SLC29A1: variants seen among roughly 807,000 people sequenced by gnomAD.
SLC29A1 encodes solute carrier family 29 member 1 (Augustine blood group).
SLC29A1 carries 22 observed loss-of-function variants against 48.3 expected under a neutral mutation model. The ratio of observed to expected loss-of-function variants is 0.46; its 90% CI spans 0.33 to 0.65. The LOEUF is 0.65. SLC29A1 is among the 30% of genes least tolerant of loss of function. The probability of loss-of-function intolerance (pLI) is 0.03; values close to 1 mark genes in which losing one functional copy is unlikely to be tolerated. For missense variants in SLC29A1, 491 were observed against 575.3 expected, an observed-to-expected ratio of 0.85 and a Z score of 1.50; for synonymous variants, 228 against 231.0, an observed-to-expected ratio of 0.99 and a Z score of 0.12.
rs776128517 is a variant in SLC29A1, at chr6:44,230,613, C to G, written c.635C>G (p.Ala212Gly). The change falls in exon 7 of 13, where the codon GCC (alanine) becomes GGC (glycine). Residue 212 changes from alanine to glycine, a missense_variant. Coordinates refer to ENST00000371755, the MANE Select transcript of SLC29A1 (RefSeq NM_001372327.1). ...SESAFGYFIT[A>G]CAVIILTIIC... ...AGTGCCTTCGGCTACTTTATCACAGCCTGTGCTGTTATCATTTTGACCATC... is the reference window on the plus strand; with the variant it reads ...AGTGCCTTCGGCTACTTTATCACAGGCTGTGCTGTTATCATTTTGACCATC... 2.0e-5 allele frequency: 33 copies of G among 1,613,524 alleles called. No homozygotes were observed. The South Asian group carries it at 3.0e-4, about 14-fold the overall frequency.
chr6:44,227,057 AG>A (rs1777708754), intron 1 of SLC29A1: 4 of 1,361,786 alleles, frequency 2.9e-6, no homozygotes, highest in East Asian at 2.8e-5. Context: ...CTGAGCAGGC[AG>A]GGGGGCCGCG....
chr6:44,228,634 G>A (rs923681038), intron 2 of SLC29A1, among the ~76,000 whole-genome samples: 10 of 152,254 alleles, frequency 6.6e-5, no homozygotes, highest in Admixed American at 1.3e-4. Context: ...CCGGGCTGGG[G>A]TTACTCAGCT....
Position 44,223,695 on chromosome 6 carries a change from C to G in SLC29A1, c.-52+54C>G. ...TGGGGACTGCCGGGGCGGAAGACGC[C>G]GCTGCCCGCCTGCCACGGAGGGCAG... is the stretch of plus-strand genomic sequence containing the variant. On this transcript the variant is annotated intron_variant, in intron 1 of 12. Coordinates refer to ENST00000371755, the MANE Select transcript of SLC29A1 (RefSeq NM_001372327.1). This position sits in a 1 kb window ranked among gnomAD's most constrained non-coding sequence, Gnocchi z 5.0. 9.0e-7 allele frequency: 1 copy of G among 1,114,474 alleles called. No individual in the cohort carries two copies. The highest frequency in any genetic ancestry group is 1.1e-6 in the Non-Finnish European group (1 of 897,106). The allele number at this position is 1,114,474 out of a possible 1,614,324, so 69.0% of individuals were successfully genotyped here. A position where few individuals can be genotyped will look rare whatever the true frequency, so the allele number is the denominator to read the frequency against.
At chr6:44,222,685 G>T (rs1215223712), upstream of SLC29A1, among the ~76,000 whole-genome samples, 2 of 152,086 alleles carry the variant, frequency 1.3e-5, no homozygotes, top group Non-Finnish European at 2.9e-5. Flanking sequence ...CCCTTGGAGG[G>T]ACTTGCTGGA....
upstream of SLC29A1, among the ~76,000 whole-genome samples, chr6:44,222,056 G>C (rs1238468818): frequency 1.3e-5 from 2 of 152,204 alleles, no homozygotes; most frequent in African/African-American, 4.8e-5. Context: ...CAGGAAAGGA[G>C]GGTGGGGAGC....
intron 2 of SLC29A1, 48 bp downstream of exon 2, chr6:44,227,390 G>A (rs1480974779): frequency 6.6e-7 from 1 of 1,524,064 alleles, no homozygotes; most frequent in Middle Eastern, 1.7e-4. Flanking sequence ...GGGTTTTCAG[G>A]GAGCTGGGTG....
At position 44,227,268 on chromosome 6, in the gene SLC29A1, T is replaced by C. The variant is rs1397834553; in HGVS notation, c.-46T>C. On this transcript the variant is annotated 5_prime_UTR_variant, in exon 2 of 13. Transcript: ENST00000371755. ...ACTGTTCCTGCCCCCAGCAGGCCCC[T>C]GAGGGAGGGAGCTGTCAGCCAGGGA... 1 of 1,613,458 alleles carries C rather than the reference T, an allele frequency of 6.2e-7. No homozygotes were observed. Among genetic ancestry groups the C allele is most frequent in the Non-Finnish European group, 8.5e-7 (1 of 1,179,770 alleles).
chr6:44,227,121 C>G (rs540762049), intron 1 of SLC29A1, 142 bp from the exon 2 acceptor site: 80 of 1,407,204 alleles, frequency 5.7e-5, no homozygotes, highest in Non-Finnish European at 6.9e-5. Context: ...TTGAGTCGTC[C>G]TGAGGGGCAG....
In SLC29A1 at chr6:44,223,670, TG is replaced by T. The variant is rs1393434219; in HGVS notation, c.-52+33del. 2 of 1,167,316 alleles carry T rather than the reference TG, an allele frequency of 1.7e-6. No homozygotes were observed. The highest frequency in any genetic ancestry group is 1.5e-5 in the South Asian group (1 of 65,352). The allele number at this position is 1,167,316 out of a possible 1,614,324, so 72.3% of individuals were successfully genotyped here. A position where few individuals can be genotyped will look rare whatever the true frequency, so the allele number is the denominator to read the frequency against. ...CTGCCCGGGGCCGGGGACTGGGGAC[TG>T]GGGACTGCCGGGGCGGAAGACGCCG... On this transcript the variant is annotated intron_variant, in intron 1 of 12. Coordinates refer to ENST00000371755, the MANE Select transcript of SLC29A1 (RefSeq NM_001372327.1). This position sits in a 1 kb window ranked among gnomAD's most constrained non-coding sequence, Gnocchi z 5.0.
rs1413643861 is a variant in SLC29A1, at chr6:44,232,731, C to A, written c.1060-76C>A. ...AGGTTTCAGTTCAGATCCTGAGGGG[C>A]CCCAGATGGATCCTTGGGGGCCTGG... On this transcript the variant is annotated intron_variant, in intron 11 of 12. Transcript: ENST00000371755. This position sits in a 1 kb window ranked among gnomAD's most constrained non-coding sequence, Gnocchi z 4.7. 1 of 1,438,286 alleles carries A rather than the reference C, an allele frequency of 7.0e-7. No individual in the cohort carries two copies. Among genetic ancestry groups the A allele is most frequent in the Non-Finnish European group, 9.6e-7 (1 of 1,042,284 alleles). 89.1% of individuals were successfully genotyped at this position (1,438,286 alleles called of 1,614,324 possible).
Position 44,230,500 on chromosome 6 carries a change from C to T in SLC29A1, c.589+19C>T. The T allele has an allele frequency of 6.2e-7, 1 of 1,613,850 alleles. No homozygotes were observed. The highest frequency in any genetic ancestry group is 8.5e-7 in the Non-Finnish European group (1 of 1,179,834). On this transcript the variant is annotated intron_variant, in intron 6 of 12. Transcript: ENST00000371755. Reference sequence around the variant, plus strand: ...ATTGCCAGTAAGTCCGGCTATCTACCTGCCCAGTGCCCTGGTGTGGTGGGG... The same window carrying T: ...ATTGCCAGTAAGTCCGGCTATCTACTTGCCCAGTGCCCTGGTGTGGTGGGG...
Position 44,229,671 on chromosome 6 carries a change from C to T in SLC29A1, c.194C>T (p.Ala65Val), listed in dbSNP as rs750176947. The change falls in exon 4 of 13, where the codon GCC becomes GTC. Residue 65 changes from alanine to valine, a missense_variant. By Grantham distance (64) the Ala-to-Val change is moderately conservative (BLOSUM62 0). Transcript: ENST00000371755. This position sits in a 1 kb window ranked among gnomAD's most constrained non-coding sequence, Gnocchi z 5.1. Reference sequence around the variant, plus strand: ...AGCAAGGACGCCCAGGCGTCAGCCGCCCCTGCAGCACCCTTGCCTGAGCGG... The same window carrying T: ...AGCAAGGACGCCCAGGCGTCAGCCGTCCCTGCAGCACCCTTGCCTGAGCGG... ...ELSKDAQASA[A>V]PAAPLPERNS... 16 of 1,614,002 alleles carry T rather than the reference C, an allele frequency of 9.9e-6. No homozygotes were observed. In the Admixed American group the frequency reaches 2.5e-4, roughly 25 times the overall value.
chr6:44,228,173 C>G (rs1486962101), intron 2 of SLC29A1, among the ~76,000 whole-genome samples: 1 of 152,226 alleles, frequency 6.6e-6, no homozygotes, highest in African/African-American at 2.4e-5. Context: ...GGTTGCTTCC[C>G]TGCCTCCTGT....
upstream of SLC29A1, among the ~76,000 whole-genome samples, chr6:44,220,344 ATTT>A (rs3997542): frequency 1.1e-3 from 141 of 126,496 alleles, no homozygotes; most frequent in South Asian, 0.018. Context: ...TGCTCAGCTA[ATTT>A]TTTTTTTTTT....
At chr6:44,219,678 C>T (rs1466381513), upstream of SLC29A1, 3 of 1,284,812 alleles carry the variant, frequency 2.3e-6, no homozygotes, top group Admixed American at 2.3e-5. Context: ...CCAGCTGTGG[C>T]TATGGCCCCA....
intron 12 of SLC29A1, 42 bp downstream of exon 12, chr6:44,233,048 T>TC: frequency 1.3e-6 from 2 of 1,587,364 alleles, no homozygotes; most frequent in Non-Finnish European, 1.7e-6. Context: ...TCAGACAGGA[T>TC]CTAGAGTTCC....
chr6:44,231,102 G>C (rs1003587853), intron 8 of SLC29A1, among the ~76,000 whole-genome samples: 8 of 152,162 alleles, frequency 5.3e-5, no homozygotes, highest in African/African-American at 1.9e-4. Context: ...AATGCCTGAG[G>C]TGTTTGGACT....
upstream of SLC29A1, among the ~76,000 whole-genome samples, chr6:44,223,271 GTCCCGAGA>G (rs1298332672): frequency 2.0e-5 from 3 of 151,682 alleles, no homozygotes; most frequent in African/African-American, 7.3e-5. This position sits in a 1 kb window ranked among gnomAD's most constrained non-coding sequence, Gnocchi z 5.0. Context: ...AAATGGAACA[GTCCCGAGA>G]TGAATTTTAT....
chr6:44,229,835 G>C lies in SLC29A1; in HGVS notation c.314+44G>C. On this transcript the variant is annotated intron_variant, in intron 4 of 12. Coordinates refer to ENST00000371755, the MANE Select transcript of SLC29A1 (RefSeq NM_001372327.1). This position sits in a 1 kb window ranked among gnomAD's most constrained non-coding sequence, Gnocchi z 5.1. ...CCCAGCCCCCAGCCTGACCCTCACT[G>C]TGTCCTGCACCCCCTTGGCTGAGCC... 1 of 1,607,172 alleles carries C rather than the reference G, an allele frequency of 6.2e-7. No individual in the cohort carries two copies. Among genetic ancestry groups the C allele is most frequent in the Non-Finnish European group, 8.5e-7 (1 of 1,176,480 alleles).
Sources: gnomAD v4.1 joint callset for allele counts (sites outside exome capture counted in the v4.1 genomes callset) on GRCh38, gnomAD v4.1.1 for gene constraint, Gnocchi (gnomAD v3.1) non-coding constraint, MANE v1.5 for transcripts, NCBI Gene and HGNC (gene_info 2026-07-23, HGNC 2026-07-21) for gene names.